The following LIMD1 variants were observed in gnomAD, a reference collection of about 807,000 sequenced individuals.
LIMD1 encodes the protein LIM domain containing 1.
A neutral mutation model predicts 58.4 loss-of-function variants in LIMD1; 23 were observed. That is an observed-to-expected ratio of 0.39 (90% CI 0.28 to 0.56). LIMD1 has a LOEUF of 0.56. Ranked by LOEUF, LIMD1 falls within the 20% of genes least tolerant of loss-of-function variation. The pLI is 0.57. For missense variants in LIMD1, 838 were observed against 855.5 expected (o/e 0.98, Z 0.25); for synonymous variants, 334 against 345.5 (o/e 0.97, Z 0.37).
chr3:45,681,953 A>G lies in LIMD1; in HGVS notation c.*4894A>G, dbSNP rs1038790804. The stretch of plus-strand genomic sequence containing the variant: ...TTATGACCAAAGAATCCTCAAGGCG[A>G]GTGATCCTTCAGGTTTGAGACAGCC... On this transcript the variant is annotated 3_prime_UTR_variant, in exon 8 of 8. Transcript: ENST00000273317. 5.3e-5 allele frequency: 8 copies of G among 152,292 alleles called. No individual in the cohort carries two copies. Among genetic ancestry groups the G allele is most frequent in the African/African-American group, 1.7e-4 (7 of 41,556 alleles). 9.4% of individuals were successfully genotyped at this position (152,292 alleles called of 1,614,324 possible). A position where few individuals can be genotyped will look rare whatever the true frequency, so the allele number is the denominator to read the frequency against.
chr3:45,665,756 C>G, intron 3 of LIMD1, 39 bp downstream of exon 3: 1 of 1,587,818 alleles, frequency 6.3e-7, no homozygotes, highest in Non-Finnish European at 8.6e-7. Context: ...CATGTCCTGG[C>G]CAGAGTCAGA....
At chr3:45,620,693 C>T (rs1353911303) in intron 1 of LIMD1, among the ~76,000 whole-genome samples, 1 of 152,178 alleles carries the variant, frequency 6.6e-6, no homozygotes, top group Non-Finnish European at 1.5e-5. Context: ...TGCACCATTG[C>T]ACTCCAACCT....
chr3:45,635,669 G>A (rs924294257), intron 1 of LIMD1, among the ~76,000 whole-genome samples: 19 of 145,286 alleles, frequency 1.3e-4, no homozygotes, highest in Non-Finnish European at 2.7e-4. Context: ...AGGCCGAGGC[G>A]GGAGGATTGC....
intron 1 of LIMD1, among the ~76,000 whole-genome samples, chr3:45,605,956 C>T (rs1701464310): frequency 6.6e-6 from 1 of 152,202 alleles, no homozygotes; most frequent in Non-Finnish European, 1.5e-5. Flanking sequence ...CAGTGCCCCA[C>T]ATGCTGTGGG....
At chr3:45,645,010 T>C (rs1422410750) in intron 2 of LIMD1, among the ~76,000 whole-genome samples, 2 of 152,236 alleles carry the variant, frequency 1.3e-5, no homozygotes, top group Non-Finnish European at 2.9e-5. Context: ...TCAGCAGTTC[T>C]GTATGAGCTG....
rs749959224 is a variant in LIMD1, at chr3:45,596,214, T to C, written c.1335T>C (p.Ala445=). The C allele has an allele frequency of 1.2e-6, 2 of 1,613,504 alleles. No individual in the cohort carries two copies. The highest frequency in any genetic ancestry group is 1.7e-6 in the Non-Finnish European group (2 of 1,179,834). The stretch of plus-strand genomic sequence containing the variant: ...GTCCTGAGCTGAGACCCTCTGCTGC[T>C]GAGTTGAAATTAGAAGCCCTCACCC... ...VPGPELRPSA[A]ELKLEALTQR... is the part of the protein sequence containing the mutation. Residue 445 remains alanine, a synonymous_variant, in exon 1 of 8, where the codon GCT becomes GCC. Transcript: ENST00000273317.
chr3:45,596,166 G>T lies in LIMD1; in HGVS notation c.1287G>T (p.Leu429=), dbSNP rs778159285. ...LDSPSSPRVR[L]PCQPLVPGPE... is the part of the protein sequence containing the mutation. ...GCCCCAGCTCCCCTAGGGTAAGGCT[G>T]CCCTGCCAGCCCCTCGTCCCAGGTC... Residue 429 remains leucine (L), a synonymous_variant, in exon 1 of 8, where the codon CTG becomes CTT. Transcript: ENST00000273317. The T allele has an allele frequency of 7.4e-6, 12 of 1,613,894 alleles. No homozygotes were observed. Among genetic ancestry groups the T allele is most frequent in the Non-Finnish European group, 9.3e-6 (11 of 1,179,996 alleles).
At chr3:45,655,428 C>T (rs1702018759) in intron 2 of LIMD1, among the ~76,000 whole-genome samples, 1 of 152,150 alleles carries the variant, frequency 6.6e-6, no homozygotes, top group Non-Finnish European at 1.5e-5. Flanking sequence ...ACTCCCACCC[C>T]CAGTTTATGT....
chr3:45,660,405 CT>C (rs869301368), intron 2 of LIMD1, among the ~76,000 whole-genome samples: 31,327 of 79,804 alleles, frequency 0.39, 5,516 homozygotes, highest in Middle Eastern at 0.58. Context: ...GGTGGGCTGT[CT>C]TTTTTTTTTT....
Position 45,595,943 on chromosome 3 carries a change from C to T in LIMD1, c.1064C>T (p.Ala355Val), listed in dbSNP as rs1348208051. ...LSSSAPSSSP[A>V]GLDGSQQGAV... ...AGTTCTGCCCCGTCATCCTCGCCAG[C>T]TGGTCTGGACGGTTCACAGCAGGGT... The change falls in exon 1 of 8, where the codon GCT becomes GTT. Residue 355 changes from alanine to valine, a missense_variant. Around this residue, in one of 3 missense-constraint regions of LIMD1, gnomAD observed 659 missense variants for 639.8 expected, o/e 1.03. Transcript: ENST00000273317. 2 of 1,614,136 alleles carry T rather than the reference C, an allele frequency of 1.2e-6. No homozygotes were observed. The highest frequency in any genetic ancestry group is 1.3e-5 in the African/African-American group (1 of 74,946).
rs1697705447 is a variant in LIMD1, at chr3:45,678,991, C to G, written c.*1932C>G. 6.6e-6 allele frequency: 1 copy of G among 152,170 alleles called. No homozygotes were observed. Among genetic ancestry groups the G allele is most frequent in the East Asian group, 1.9e-4 (1 of 5,182 alleles). The allele number at this position is 152,170 out of a possible 1,614,324, so 9.4% of individuals were successfully genotyped here. The stretch of plus-strand genomic sequence containing the variant: ...GTGAACCCTGAGGTGGGGACCCTCT[C>G]TTCCCATCAAATCATCCAGCTCAGT... On this transcript the variant is annotated 3_prime_UTR_variant, in exon 8 of 8. Transcript: ENST00000273317.
intron 2 of LIMD1, among the ~76,000 whole-genome samples, chr3:45,663,435 G>T (rs1345025179): frequency 2.0e-5 from 3 of 152,108 alleles, no homozygotes; most frequent in Admixed American, 2.0e-4. Context: ...GGCTCCTCTT[G>T]TCCCACACCT....
At chr3:45,602,263 T>C (rs1701422773) in intron 1 of LIMD1, among the ~76,000 whole-genome samples, 1 of 152,140 alleles carries the variant, frequency 6.6e-6, no homozygotes. Context: ...TGTGGACTTT[T>C]GTGTCCCCTG....
intron 1 of LIMD1, among the ~76,000 whole-genome samples, chr3:45,602,088 G>A (rs1429517632): frequency 3.3e-5 from 5 of 152,078 alleles, no homozygotes; most frequent in East Asian, 3.9e-4. Flanking sequence ...GACTGCAGGC[G>A]CCCGCCACCA....
At chr3:45,669,191 TC>T (rs1697560562) in intron 4 of LIMD1, among the ~76,000 whole-genome samples, 1 of 152,210 alleles carries the variant, frequency 6.6e-6, no homozygotes, top group South Asian at 2.1e-4. Flanking sequence ...GGGCTTCAGG[TC>T]TTCAGTGGGG....
chr3:45,646,712 C>G (rs1360947652), intron 2 of LIMD1, among the ~76,000 whole-genome samples: 1 of 142,068 alleles, frequency 7.0e-6, no homozygotes, highest in African/African-American at 2.6e-5. Context: ...TTTTTTGAGA[C>G]AGTCTCACTC....
At chr3:45,600,061 C>G (rs113312713) in intron 1 of LIMD1, among the ~76,000 whole-genome samples, 6 of 152,234 alleles carry the variant, frequency 3.9e-5, no homozygotes, top group Non-Finnish European at 8.8e-5. Flanking sequence ...CCCACAGATA[C>G]TTTTTCCTCC....
At chr3:45,617,317 G>A (rs530536658) in intron 1 of LIMD1, among the ~76,000 whole-genome samples, 1 of 152,290 alleles carries the variant, frequency 6.6e-6, no homozygotes, top group African/African-American at 2.4e-5. Flanking sequence ...AAAGTGCTGG[G>A]ATTACAGGTG....
intron 1 of LIMD1, among the ~76,000 whole-genome samples, chr3:45,614,403 TG>T (rs1458276320): frequency 6.9e-6 from 1 of 145,546 alleles, no homozygotes; most frequent in African/African-American, 2.6e-5. Context: ...GGCGGGCACC[TG>T]TAGTTAAAAA....
Sources: gnomAD v4.1 joint callset for allele counts (sites outside exome capture counted in the v4.1 genomes callset) on GRCh38, gnomAD v4.1.1 for gene constraint, gnomAD v4.1.1 regional missense constraint, MANE v1.5 for transcripts, NCBI Gene and HGNC (gene_info 2026-07-23, HGNC 2026-07-21) for gene names.